Variants in CENPP observed in about 807,000 individuals in gnomAD.
The protein encoded by CENPP is centromere protein P.
CENPP carries 24 observed loss-of-function variants against 35.6 expected under a neutral mutation model. The observed-to-expected ratio is 0.67, with a 90% confidence interval of 0.49 to 0.95. The LOEUF is 0.95. CENPP is among the 40% of genes least tolerant of loss of function. CENPP has a pLI of 0.00. For synonymous variants in CENPP, 120 were observed against 125.5 expected (o/e 0.96, Z 0.29); for missense variants, 332 against 345.3 (o/e 0.96, Z 0.31).
rs1194111322 is a variant in CENPP at position 92,575,893 on chromosome 9, G to A, written c.565-35421G>A. 3.9e-5 allele frequency among the ~76,000 whole-genome samples: 6 copies of A among 152,074 alleles called. No homozygotes were observed. In the East Asian group the frequency reaches 5.8e-4, roughly 15 times the overall value. ...AAAGTAGAAAAATTAGAACCGTTGCGCGCTGTTATAGTAGGGATATAAAAT... is the reference window on the plus strand; with the variant it reads ...AAAGTAGAAAAATTAGAACCGTTGCACGCTGTTATAGTAGGGATATAAAAT... On this transcript the variant is annotated intron_variant, in intron 5 of 7. Transcript: ENST00000375587.
At chr9:92,523,937 T>C (rs781036045) in intron 5 of CENPP, among the ~76,000 whole-genome samples, 10 of 152,328 alleles carry the variant, frequency 6.6e-5, no homozygotes, top group Non-Finnish European at 1.3e-4. Context: ...ATGCAGGCAC[T>C]CCATAAGCCT....
chr9:92,607,478 G>A (rs1851114753), intron 5 of CENPP, among the ~76,000 whole-genome samples: 2 of 152,274 alleles, frequency 1.3e-5, no homozygotes, highest in Admixed American at 6.5e-5. Context: ...AAATGTTGTG[G>A]AATTAGAAAG....
At chr9:92,450,019 G>A (rs1205252343) in intron 5 of CENPP, among the ~76,000 whole-genome samples, 3 of 152,160 alleles carry the variant, frequency 2.0e-5, no homozygotes, top group East Asian at 3.9e-4. Context: ...GAATTGTTAG[G>A]TCAGCCACAA....
At chr9:92,496,653 T>C (rs1367355062) in intron 5 of CENPP, among the ~76,000 whole-genome samples, 2 of 152,196 alleles carry the variant, frequency 1.3e-5, no homozygotes, top group Non-Finnish European at 2.9e-5. Flanking sequence ...GATGAAGCCA[T>C]AGAAGCACTA....
At chr9:92,574,533 A>G (rs1243233622) in intron 5 of CENPP, among the ~76,000 whole-genome samples, 1 of 152,248 alleles carries the variant, frequency 6.6e-6, no homozygotes, top group Non-Finnish European at 1.5e-5. Context: ...AAGGTGAAAG[A>G]TTTGTACAAT....
chr9:92,550,768 T>A (rs1288832511), intron 5 of CENPP, among the ~76,000 whole-genome samples: 1 of 152,186 alleles, frequency 6.6e-6, no homozygotes, highest in Non-Finnish European at 1.5e-5. Context: ...TATCTTGAAA[T>A]GTGTCCTTCA....
chr9:92,501,094 A>T, intron 5 of CENPP: 2 of 1,579,930 alleles, frequency 1.3e-6, no homozygotes, highest in South Asian at 2.3e-5. Context: ...GGACATCAGG[A>T]TGGTGATCAT....
At position 92,370,641 on chromosome 9, in the gene CENPP, C is replaced by T. The variant is rs1054879384; in HGVS notation, c.468-9122C>T. On this transcript the variant is annotated intron_variant, in intron 4 of 7. Coordinates refer to ENST00000375587, the MANE Select transcript of CENPP (RefSeq NM_001012267.3). ...GAACACAGTGGCGCATCACCATTCC[C>T]GGCTAATTTTTGTATTTTTTTGTAG... 7.2e-5 allele frequency among the ~76,000 whole-genome samples: 11 copies of T among 152,096 alleles called. No individual in the cohort carries two copies. In the East Asian group the frequency reaches 1.4e-3, roughly 19 times the overall value.
At chr9:92,588,447 G>T (rs760684265) in intron 5 of CENPP, among the ~76,000 whole-genome samples, 1 of 151,512 alleles carries the variant, frequency 6.6e-6, no homozygotes, top group Non-Finnish European at 1.5e-5. Flanking sequence ...TAGAGACATG[G>T]TTTCACCTTG....
At chr9:92,470,166 C>G (rs768621312) in intron 5 of CENPP, among the ~76,000 whole-genome samples, 18 of 152,232 alleles carry the variant, frequency 1.2e-4, no homozygotes, top group Non-Finnish European at 2.2e-4. Flanking sequence ...CTTTTAAATC[C>G]TAGAATATTA....
intron 5 of CENPP, among the ~76,000 whole-genome samples, chr9:92,388,803 G>A (rs1276481988): frequency 6.9e-6 from 1 of 144,396 alleles, no homozygotes; most frequent in African/African-American, 2.6e-5. Context: ...CTGCACTCCA[G>A]CCTGGGTGAC....
Position 92,619,618 on chromosome 9 carries a change from C to G in CENPP, c.*6469C>G, listed in dbSNP as rs1851559012. The stretch of plus-strand genomic sequence containing the variant: ...GGTCACACAGGAAGCCTCTGCCCCC[C>G]CACACAACCTTCCTTCCCAGTAGCC... On this transcript the variant is annotated 3_prime_UTR_variant, in exon 8 of 8. Transcript: ENST00000375587. 5.5e-6 allele frequency: 8 copies of G among 1,455,552 alleles called. No homozygotes were observed. The highest frequency in any genetic ancestry group is 4.9e-5 in the South Asian group (4 of 82,320). The allele number at this position is 1,455,552 out of a possible 1,614,324, so 90.2% of individuals were successfully genotyped here. A position where few individuals can be genotyped will look rare whatever the true frequency, so the allele number is the denominator to read the frequency against.
upstream of CENPP, chr9:92,325,635 A>G (rs527821109): frequency 2.5e-5 from 6 of 238,988 alleles, no homozygotes; most frequent in East Asian, 4.0e-4. Flanking sequence ...GCTCCCCTCC[A>G]CGTGATCCCA....
intron 5 of CENPP, among the ~76,000 whole-genome samples, chr9:92,575,165 T>A (rs1850249686): frequency 6.6e-6 from 1 of 152,202 alleles, no homozygotes; most frequent in Non-Finnish European, 1.5e-5. Flanking sequence ...TTCTTAGATA[T>A]GACAGCAAAG....
rs117314703 is a variant in CENPP, at chr9:92,614,921, C to T, written c.*1772C>T. ...GGCCACGGGGCCCAAAAACGCAACA[C>T]GTCTCAAGGCAAACCCGAGGGAGGA... On this transcript the variant is annotated 3_prime_UTR_variant, in exon 8 of 8. Transcript: ENST00000375587. The T allele has an allele frequency of 9.4e-3, 1,441 of 152,602 alleles. 13 individuals are homozygous for T. The highest frequency in any genetic ancestry group is 0.024 in the Middle Eastern group (7 of 294). The allele number at this position is 152,602 out of a possible 1,614,324, so 9.5% of individuals were successfully genotyped here.
chr9:92,396,953 A>G (rs1304232944), intron 5 of CENPP, among the ~76,000 whole-genome samples: 1 of 152,002 alleles, frequency 6.6e-6, no homozygotes, highest in East Asian at 1.9e-4. Context: ...AGGCAGGTGG[A>G]TCATTTGAGT....
At chr9:92,355,421 A>T (rs536977066) in intron 4 of CENPP, among the ~76,000 whole-genome samples, 1 of 152,098 alleles carries the variant, frequency 6.6e-6, no homozygotes, top group South Asian at 2.1e-4. Flanking sequence ...ACCACACTCT[A>T]CATAAAACAA....
chr9:92,442,690 C>CA (rs949687372), intron 5 of CENPP, among the ~76,000 whole-genome samples: 16 of 149,196 alleles, frequency 1.1e-4, no homozygotes, highest in African/African-American at 2.0e-4. Flanking sequence ...ACTAAAAATA[C>CA]AAAAAAAAAT....
At chr9:92,357,290 CCTTT>C (rs1841615359) in intron 4 of CENPP, among the ~76,000 whole-genome samples, 1 of 151,454 alleles carries the variant, frequency 6.6e-6, no homozygotes, top group Non-Finnish European at 1.5e-5. Context: ...TGTCTAGTGT[CCTTT>C]CTTTCACTCT....
Sources: gnomAD v4.1 joint callset for allele counts (sites outside exome capture counted in the v4.1 genomes callset) on GRCh38, gnomAD v4.1.1 for gene constraint, MANE v1.5 for transcripts, NCBI Gene and HGNC (gene_info 2026-07-23, HGNC 2026-07-21) for gene names.